TRIM6: variants seen among roughly 807,000 people sequenced by gnomAD.
TRIM6 encodes tripartite motif containing 6, also known as tripartite motif-containing protein 6.
Under a neutral mutation model 51.2 loss-of-function variants are expected in TRIM6, and 43 were observed. The ratio of observed to expected loss-of-function variants is 0.84; its 90% CI spans 0.66 to 1.08. TRIM6 has a LOEUF of 1.08. TRIM6 is among the 50% of genes least tolerant of loss of function. The pLI is 0.00. For missense variants in TRIM6, 669 were observed against 619.0 expected, an observed-to-expected ratio of 1.08 and a Z score of -0.86; for synonymous variants, 215 against 232.4, an observed-to-expected ratio of 0.93 and a Z score of 0.68.
chr11:5,601,963 C>T (rs924815156), intron 1 of TRIM6, among the ~76,000 whole-genome samples: 2 of 152,072 alleles, frequency 1.3e-5, no homozygotes, highest in African/African-American at 4.8e-5. Flanking sequence ...GGAAAGGTCA[C>T]AGATGATCAC....
chr11:5,609,510 T>A (rs1287863648), intron 5 of TRIM6, among the ~76,000 whole-genome samples: 1 of 152,076 alleles, frequency 6.6e-6, no homozygotes, highest in East Asian at 1.9e-4. Context: ...TTTTTAGAGG[T>A]AGCAAAAGAT....
At chr11:5,599,898 T>C (rs1847731063) in intron 1 of TRIM6, among the ~76,000 whole-genome samples, 1 of 152,124 alleles carries the variant, frequency 6.6e-6, no homozygotes, top group African/African-American at 2.4e-5. Context: ...AGAGCCTCTA[T>C]TGCCTCTAGA....
At chr11:5,596,385 G>A (rs1847444318), upstream of TRIM6, among the ~76,000 whole-genome samples, 1 of 151,948 alleles carries the variant, frequency 6.6e-6, no homozygotes, top group South Asian at 2.1e-4. Context: ...TGTAAAGAGA[G>A]TTAAACCTCT....
chr11:5,606,240 A>G lies in TRIM6; in HGVS notation c.834+673A>G, dbSNP rs549763836. ...CAGAATCATTTAACATACTGTAGCA[A>G]TTGATATTTGAACTGGTTTTGGGGG... On this transcript the variant is annotated intron_variant, in intron 4 of 7. Coordinates refer to ENST00000380097, the MANE Select transcript of TRIM6 (RefSeq NM_001003818.3). Among the ~76,000 whole-genome samples the G allele has an allele frequency of 1.0e-3, 157 of 152,112 alleles. 1 individual carries two copies. Among genetic ancestry groups the G allele is most frequent in the Non-Finnish European group, 1.7e-3 (113 of 68,018 alleles).
chr11:5,611,048 T>C lies in TRIM6; in HGVS notation c.1257T>C (p.Ala419=). The change falls in exon 8 of 8, where the codon GCT becomes GCC. Residue 419 remains alanine, a synonymous_variant. Transcript: ENST00000380097. ...ACCATTTTGCTCAAAATCACAGTGC[T>C]TACTCCAGGTATCAGCCTCAGAGTG... The part of the protein sequence containing the change: ...SFNHFAQNHS[A]YSRYQPQSGY... 1 of 1,614,190 alleles carries C rather than the reference T, an allele frequency of 6.2e-7. No individual in the cohort carries two copies. Among genetic ancestry groups the C allele is most frequent in the Non-Finnish European group, 8.5e-7 (1 of 1,180,036 alleles).
At position 5,609,225 on chromosome 11, in the gene TRIM6, G is replaced by A. The variant is rs552164820; in HGVS notation, c.857+831G>A. Among the ~76,000 whole-genome samples, 4 of 152,180 alleles carry A rather than the reference G, an allele frequency of 2.6e-5. No individual in the cohort carries two copies. The East Asian group carries it at 5.8e-4, about 22-fold the overall frequency. ...TCCTCCATGCTCCTCACAGACACAC[G>A]AAATGGGAACCCTATCGTCCCTTCT... is the stretch of plus-strand genomic sequence containing the variant. On this transcript the variant is annotated intron_variant, in intron 5 of 7. Coordinates refer to ENST00000380097, the MANE Select transcript of TRIM6 (RefSeq NM_001003818.3).
At chr11:5,608,545 A>C in intron 5 of TRIM6, 151 bp downstream of exon 5, 5 of 1,252,506 alleles carry the variant, frequency 4.0e-6, no homozygotes, top group Non-Finnish European at 5.4e-6. Context: ...GGCATCCCCA[A>C]ATAAAGGGGA....
Position 5,596,735 on chromosome 11 carries a change from C to A in TRIM6, c.-163C>A. ...CGGAGGAGGGATCCCCTGCCTTTCT[C>A]GGAACGGAACGGAGCAGAGTCGTGC... On this transcript the variant is annotated 5_prime_UTR_variant, in exon 1 of 8. Transcript: ENST00000380097. 9.1e-7 allele frequency: 1 copy of A among 1,097,126 alleles called. No homozygotes were observed. The highest frequency in any genetic ancestry group is 1.3e-6 in the Non-Finnish European group (1 of 754,256). 68.0% of individuals were successfully genotyped at this position (1,097,126 alleles called of 1,614,324 possible). A position where few individuals can be genotyped will look rare whatever the true frequency, so the allele number is the denominator to read the frequency against.
Position 5,596,848 on chromosome 11 carries a change from A to T in TRIM6, c.-50A>T. 1 of 1,613,484 alleles carries T rather than the reference A, an allele frequency of 6.2e-7. No individual in the cohort carries two copies. Among genetic ancestry groups the T allele is most frequent in the Non-Finnish European group, 8.5e-7 (1 of 1,179,798 alleles). ...CCTTGGATTGCTCTGAAGAGCTTTG[A>T]CCACCTGATATTGCTTACATCTGGA... On this transcript the variant is annotated 5_prime_UTR_variant, in exon 1 of 8. Coordinates refer to ENST00000380097, the MANE Select transcript of TRIM6 (RefSeq NM_001003818.3).
upstream of TRIM6, chr11:5,596,533 C>A (rs1355766114): frequency 1.0e-3 from 27 of 26,860 alleles, 1 homozygote; most frequent in African/African-American, 2.3e-3. Context: ...CCCCCTTCCC[C>A]CTTCCCCCTT....
Position 5,610,374 on chromosome 11 carries a change from T to A in TRIM6, c.958+129T>A, listed in dbSNP as rs749313821. 3.2e-6 allele frequency: 5 copies of A among 1,563,596 alleles called. No homozygotes were observed. In the African/African-American group the frequency reaches 6.7e-5, roughly 21 times the overall value. On this transcript the variant is annotated intron_variant, in intron 6 of 7. Transcript: ENST00000380097. ...GGAGGTCCCAGAGGGAGGGACATAGTGTGCTGAAGAAGATGCGGTTTGTAT... is the reference window on the plus strand; with the variant it reads ...GGAGGTCCCAGAGGGAGGGACATAGAGTGCTGAAGAAGATGCGGTTTGTAT...
At chr11:5,596,511 GTTCTCCCCTTCCCCC>G (rs1847457689), upstream of TRIM6, 1 of 10,414 alleles carries the variant, frequency 9.6e-5, no homozygotes, top group Admixed American at 8.7e-4. Flanking sequence ...CCCTTCCCCC[GTTCTCCCCTTCCCCC>G]CTTCCCCCTT....
intron 5 of TRIM6, among the ~76,000 whole-genome samples, chr11:5,609,634 A>G (rs977169788): frequency 3.3e-5 from 5 of 152,334 alleles, no homozygotes; most frequent in African/African-American, 1.2e-4. Context: ...TTAAGAAGTT[A>G]AATCTTGGAC....
chr11:5,604,336 G>C (rs138639103), intron 2 of TRIM6, among the ~76,000 whole-genome samples, 198 bp from the exon 3 acceptor site: 143 of 152,300 alleles, frequency 9.4e-4, no homozygotes, highest in African/African-American at 3.1e-3. Flanking sequence ...TCCCAAGGGG[G>C]ATGGAGAATC....
intron 1 of TRIM6, among the ~76,000 whole-genome samples, chr11:5,599,952 G>A (rs544181973): frequency 2.2e-4 from 33 of 152,156 alleles, no homozygotes; most frequent in Non-Finnish European, 3.4e-4. Flanking sequence ...GCCTTATAGT[G>A]CAGTGTGCTA....
rs150382496 is a variant in TRIM6, at chr11:5,608,374, T to A, written c.837T>A (p.Asp279Glu). ...CQGSTMELLQ[D>E]VSDVTERSEF... The stretch of plus-strand genomic sequence containing the variant: ...TAACCTGTCTTTTTCCTTCCTAGGA[T>A]GTGAGTGATGTCACAGAAAGGTATG... The change falls in exon 5 of 8, where the codon GAT becomes GAA. Residue 279 changes from aspartate to glutamate, a missense_variant and splice_region_variant. Coordinates refer to ENST00000380097, the MANE Select transcript of TRIM6 (RefSeq NM_001003818.3). The A allele has an allele frequency of 1.2e-6, 2 of 1,613,754 alleles. No homozygotes were observed. The highest frequency in any genetic ancestry group is 1.3e-5 in the African/African-American group (1 of 75,022).
In TRIM6 at chr11:5,611,090, G is replaced by T. The variant is rs765534523; in HGVS notation, c.1299G>T (p.Gly433=). Residue 433 remains glycine, a synonymous_variant, in exon 8 of 8, where the codon GGG becomes GGT. Coordinates refer to ENST00000380097, the MANE Select transcript of TRIM6 (RefSeq NM_001003818.3). ...CTCAGAGTGGATACTGGGTGATTGG[G>T]TTACAGCATAACCATGAATATAGGG... ...YQPQSGYWVI[G]LQHNHEYRAY... The T allele has an allele frequency of 3.7e-6, 6 of 1,614,006 alleles. No individual in the cohort carries two copies. The Admixed American group carries it at 8.3e-5, about 22-fold the overall frequency.
chr11:5,603,095 G>A, intron 1 of TRIM6, 151 bp from the exon 2 acceptor site: 3 of 1,343,812 alleles, frequency 2.2e-6, no homozygotes, highest in Non-Finnish European at 3.0e-6. Flanking sequence ...TGCCTTGTAT[G>A]AGCCGGGATA....
In TRIM6 at chr11:5,611,549, G is replaced by C; in HGVS notation, c.*207G>C. ...GCTCACTGCAACCTCTGCCTCCTGG[G>C]TTCAAGCGAACCTCCTGCCTCAGCA... On this transcript the variant is annotated 3_prime_UTR_variant, in exon 8 of 8. Coordinates refer to ENST00000380097, the MANE Select transcript of TRIM6 (RefSeq NM_001003818.3). 1 of 505,348 alleles carries C rather than the reference G, an allele frequency of 2.0e-6. No homozygotes were observed. The highest frequency in any genetic ancestry group is 3.5e-6 in the Non-Finnish European group (1 of 287,304). 31.3% of individuals were successfully genotyped at this position (505,348 alleles called of 1,614,324 possible).
Sources: allele counts gnomAD v4.1 joint callset (sites outside exome capture counted in the v4.1 genomes callset), GRCh38; gene constraint gnomAD v4.1.1; transcripts MANE v1.5; gene names NCBI Gene and HGNC (gene_info 2026-07-23, HGNC 2026-07-21).